JMJD1C: variants seen among roughly 807,000 people sequenced by gnomAD.
The protein encoded by JMJD1C is jumonji domain containing 1C, also known as jumonji domain-containing protein 1C.
In JMJD1C, 31 loss-of-function variants were observed where a neutral mutation model predicts 245.3. The observed-to-expected ratio is 0.13, with a 90% CI of 0.09 to 0.17. The LOEUF is 0.17. Among genes scored for constraint, JMJD1C ranks in the 10% least tolerant of loss-of-function variants. The pLI is 1.00. For synonymous variants in JMJD1C, 1,057 were observed against 1,017.4 expected (o/e 1.04, Z -0.74); for missense variants, 2,691 against 3,000.2 (o/e 0.90, Z 2.41).
chr10:63,474,769 G>C (rs1296577639), intron 1 of JMJD1C, among the ~76,000 whole-genome samples: 1 of 151,590 alleles, frequency 6.6e-6, no homozygotes, highest in African/African-American at 2.4e-5. Flanking sequence ...TTGTTAAACA[G>C]AGCAAAATAA....
At chr10:63,494,811 G>A (rs1381219164) in intron 1 of JMJD1C, among the ~76,000 whole-genome samples, 7 of 152,094 alleles carry the variant, frequency 4.6e-5, no homozygotes, top group Non-Finnish European at 7.4e-5. Context: ...GGAAACTGAG[G>A]CTCACACTGG....
chr10:63,218,937 G>C (rs900679753), intron 4 of JMJD1C, among the ~76,000 whole-genome samples: 1 of 152,042 alleles, frequency 6.6e-6, no homozygotes, highest in Non-Finnish European at 1.5e-5. Flanking sequence ...ACTTTTTTCA[G>C]AATAATGTTC....
chr10:63,184,820 C>G, intron 20 of JMJD1C, 82 bp from the exon 21 acceptor site: 1 of 1,317,770 alleles, frequency 7.6e-7, no homozygotes, highest in Non-Finnish European at 1.0e-6. Flanking sequence ...TCAAGTTGTT[C>G]AAAACAGCAG....
In JMJD1C at chr10:63,193,100, C is replaced by T; in HGVS notation, c.5914G>A (p.Glu1972Lys). ...HSNKISLCMP[E>K]SQQQNTPPKS... is the part of the protein sequence containing the mutation. ...GGAGGAGTATTTTGCTGCTGAGACTCAGGCATGCACAGAGAAATTTTATTA... is the reference window on the plus strand; with the variant it reads ...GGAGGAGTATTTTGCTGCTGAGACTTAGGCATGCACAGAGAAATTTTATTA... The change falls in exon 16 of 26, where the codon GAG becomes AAG. Residue 1972 changes from glutamate to lysine, a missense_variant. Glu to Lys is a moderately conservative substitution (Grantham distance 56). This residue lies in a region of JMJD1C where 275 missense variants were observed against 285.5 expected (regional missense o/e 0.96). Coordinates refer to ENST00000399262, the MANE Select transcript of JMJD1C (RefSeq NM_032776.3). The T allele has an allele frequency of 6.2e-7, 1 of 1,614,010 alleles. No individual in the cohort carries two copies. The highest frequency in any genetic ancestry group is 1.1e-5 in the South Asian group (1 of 91,074).
intron 1 of JMJD1C, among the ~76,000 whole-genome samples, chr10:63,463,474 A>G (rs1031109459): frequency 6.6e-6 from 1 of 152,166 alleles, no homozygotes; most frequent in Admixed American, 6.5e-5. Flanking sequence ...GCCTAATTTC[A>G]TGTAACTTAA....
At chr10:63,381,999 G>A (rs7080152) in intron 1 of JMJD1C, among the ~76,000 whole-genome samples, 21,385 of 152,100 alleles carry the variant, frequency 0.14, 3,451 homozygotes, top group African/African-American at 0.4. Flanking sequence ...ATCACCTGAG[G>A]TCAGGAGTTC....
chr10:63,200,119 CT>C (rs1360836154), intron 11 of JMJD1C, among the ~76,000 whole-genome samples: 1 of 152,072 alleles, frequency 6.6e-6, no homozygotes, highest in Non-Finnish European at 1.5e-5. Context: ...TTTAGTTGAA[CT>C]CTTGCAAGTC....
At chr10:63,305,377 C>CAAAA (rs200146505) in intron 2 of JMJD1C, among the ~76,000 whole-genome samples, 3 of 109,624 alleles carry the variant, frequency 2.7e-5, no homozygotes, top group Non-Finnish European at 4.1e-5. Context: ...AAAAAAAAAA[C>CAAAA]AAAAAACAAA....
intron 13 of JMJD1C, chr10:63,194,608 C>A (rs1589115679): frequency 2.4e-6 from 1 of 415,060 alleles, no homozygotes; most frequent in East Asian, 4.0e-5. Context: ...TATAAAAACA[C>A]TGACACAAAA....
At position 63,219,946 on chromosome 10, in the gene JMJD1C, T is replaced by C; in HGVS notation, c.485A>G (p.Asn162Ser). The C allele has an allele frequency of 6.2e-7, 1 of 1,613,868 alleles. No homozygotes were observed. Among genetic ancestry groups the C allele is most frequent in the Non-Finnish European group, 8.5e-7 (1 of 1,179,790 alleles). The change falls in exon 4 of 26, where the codon AAC becomes AGC. Residue 162 changes from asparagine to serine, a missense_variant. Around this residue, in one of 9 missense-constraint regions of JMJD1C, gnomAD observed 172 missense variants for 240.8 expected, o/e 0.71. Transcript: ENST00000399262. ...TTTCACTTCCTCATGAAGCTGCGGG[T>C]TGTCCCTGAGAACTGGGTTTAGGCT... ...IDSLNPVLRD[N>S]PQLHEEVKVW...
At chr10:63,302,773 G>T (rs1047845775) in intron 2 of JMJD1C, among the ~76,000 whole-genome samples, 1 of 152,202 alleles carries the variant, frequency 6.6e-6, no homozygotes, top group Non-Finnish European at 1.5e-5. Flanking sequence ...GTAAGGTCAG[G>T]TCTTATTTGG....
chr10:63,366,535 G>A (rs7092222), intron 2 of JMJD1C, among the ~76,000 whole-genome samples: 1,926 of 152,302 alleles, frequency 0.013, 42 homozygotes, highest in African/African-American at 0.044. Context: ...CAATGGTATC[G>A]GAAGTGGGCA....
At chr10:63,254,852 TCCC>T (rs558980910) in intron 3 of JMJD1C, among the ~76,000 whole-genome samples, 5 of 146,174 alleles carry the variant, frequency 3.4e-5, no homozygotes, top group African/African-American at 1.3e-4. Context: ...GCAGCATAGC[TCCC>T]CCCCTTTTTT....
rs143177790 is a variant in JMJD1C at position 63,206,756 on chromosome 10, G to A, written c.4913C>T (p.Ser1638Leu). The change falls in exon 10 of 26, where the codon TCA becomes TTA. Residue 1638 changes from serine (S) to leucine (L), a missense_variant. Ser to Leu is a moderately radical substitution (Grantham distance 145, BLOSUM62 -2). Around this residue, in one of 9 missense-constraint regions of JMJD1C, gnomAD observed 144 missense variants for 143.3 expected, o/e 1.00. Transcript: ENST00000399262. ...AGGTTGTCTTTTAGTCCTTTGCTCT[G>A]ACTTGCTTTCACTTTCATCTGAGTC... Reference protein sequence around the residue: ...SGDSDESESKSEQRTKRQPKP... With the variant: ...SGDSDESESKLEQRTKRQPKP... 58 of 1,611,824 alleles carry A rather than the reference G, an allele frequency of 3.6e-5. 1 individual carries two copies. In the African/African-American group the frequency reaches 6.3e-4, roughly 17 times the overall value.
intron 1 of JMJD1C, among the ~76,000 whole-genome samples, chr10:63,482,465 G>C (rs1953859579): frequency 6.6e-6 from 1 of 152,076 alleles, no homozygotes. Flanking sequence ...GCGAAACCTA[G>C]TCTGTACTAA....
chr10:63,248,448 G>A (rs762950350), intron 3 of JMJD1C, among the ~76,000 whole-genome samples: 38 of 151,854 alleles, frequency 2.5e-4, no homozygotes, highest in Non-Finnish European at 4.7e-4. Flanking sequence ...TTGAATCCGG[G>A]AGGCAGAGGT....
intron 1 of JMJD1C, among the ~76,000 whole-genome samples, chr10:63,417,297 G>C (rs1302721764): frequency 1.3e-5 from 2 of 152,050 alleles, no homozygotes; most frequent in East Asian, 3.8e-4. Flanking sequence ...TACTATATTG[G>C]GTTTTTAAAA....
chr10:63,344,459 C>G (rs540473759), intron 2 of JMJD1C, among the ~76,000 whole-genome samples: 1 of 152,196 alleles, frequency 6.6e-6, no homozygotes, highest in South Asian at 2.1e-4. Flanking sequence ...ACACATTTCT[C>G]AGAATGTATC....
intron 1 of JMJD1C, among the ~76,000 whole-genome samples, chr10:63,502,783 T>C (rs987699823): frequency 6.6e-6 from 1 of 152,234 alleles, no homozygotes; most frequent in Non-Finnish European, 1.5e-5. Flanking sequence ...ATTTTATTTT[T>C]TTGATACAGG....
Sources: gnomAD v4.1 joint callset for allele counts (sites outside exome capture counted in the v4.1 genomes callset) on GRCh38, gnomAD v4.1.1 for gene constraint, gnomAD v4.1.1 regional missense constraint, MANE v1.5 for transcripts, NCBI Gene and HGNC (gene_info 2026-07-23, HGNC 2026-07-21) for gene names.